GALC: variants seen among roughly 807,000 people sequenced by gnomAD.
The protein encoded by GALC is galactocerebrosidase.
GALC carries 77 observed loss-of-function variants against 91.8 expected under a neutral mutation model. The ratio of observed to expected loss-of-function variants is 0.84; its 90% CI spans 0.70 to 1.01. The LOEUF (loss-of-function observed/expected upper bound fraction) is 1.01, where lower values mean the gene tolerates loss of function less well. Among genes scored for constraint, GALC ranks in the 50% least tolerant of loss-of-function variants. The pLI, the probability that GALC is intolerant of heterozygous loss-of-function variation, is 0.00. For synonymous variants in GALC, 357 were observed against 306.7 expected, an observed-to-expected ratio of 1.16 and a Z score of -1.71; for missense variants, 882 against 855.9, an observed-to-expected ratio of 1.03 and a Z score of -0.38.
chr14:87,938,495 G>A (rs1032734826), intron 16 of GALC, among the ~76,000 whole-genome samples: 11 of 152,012 alleles, frequency 7.2e-5, no homozygotes, highest in African/African-American at 2.7e-4. Flanking sequence ...ACAGAAAAAA[G>A]TTCAGAAACA....
At chr14:87,955,043 A>G in intron 10 of GALC, 4 of 1,350,430 alleles carry the variant, frequency 3.0e-6, no homozygotes, top group Non-Finnish European at 2.1e-6. Flanking sequence ...GTCATGGCAG[A>G]CCTGTTACAC....
At chr14:87,967,596 G>A (rs945747623) in intron 8 of GALC, among the ~76,000 whole-genome samples, 3 of 152,098 alleles carry the variant, frequency 2.0e-5, no homozygotes, top group Admixed American at 2.0e-4. Flanking sequence ...AAGCATTTAA[G>A]AAATGCTTCC....
chr14:87,963,003 G>A (rs1885873762), intron 10 of GALC, among the ~76,000 whole-genome samples: 1 of 152,004 alleles, frequency 6.6e-6, no homozygotes, highest in Non-Finnish European at 1.5e-5. Flanking sequence ...TAAGCTCGTT[G>A]CTCTCAACAG....
intron 16 of GALC, among the ~76,000 whole-genome samples, chr14:87,936,896 C>CCATATATATATATA (rs1555378200): frequency 0.012 from 43 of 3,548 alleles, no homozygotes; most frequent in African/African-American, 0.015. Flanking sequence ...ATATCAGGTA[C>CCATATATATATATA]TATATATATA....
rs186879724 is a variant in GALC at position 87,970,047 on chromosome 14, G to A, written c.753-1557C>T. On this transcript the variant is annotated intron_variant, in intron 7 of 16. Transcript: ENST00000261304. ...GCAATCATTGTTCTGGAACTATAAC[G>A]CCCAACCTGAAAAATCTGGCTACTA... Among the ~76,000 whole-genome samples the A allele has an allele frequency of 2.3e-3, 346 of 152,116 alleles. 5 individuals are homozygous for A. The highest frequency in any genetic ancestry group is 1.5e-3 in the Non-Finnish European group (104 of 67,978).
Position 87,933,954 on chromosome 14 carries a change from T to G in GALC, c.*778A>C, listed in dbSNP as rs149009218. 2.0e-6 allele frequency: 3 copies of G among 1,528,486 alleles called. No homozygotes were observed. The African/African-American group carries it at 4.1e-5, about 21-fold the overall frequency. 94.7% of individuals were successfully genotyped at this position (1,528,486 alleles called of 1,614,324 possible). On this transcript the variant is annotated 3_prime_UTR_variant, in exon 17 of 17. Coordinates refer to ENST00000261304, the MANE Select transcript of GALC (RefSeq NM_000153.4). ...AGTGAGATGAGGCTGAGGAAACGACTACAACAGCATTGGCTATATCAGGTT... is the reference window on the plus strand; with the variant it reads ...AGTGAGATGAGGCTGAGGAAACGACGACAACAGCATTGGCTATATCAGGTT...
intron 6 of GALC, chr14:87,976,800 G>A (rs906163893): frequency 1.7e-5 from 6 of 347,674 alleles, no homozygotes; most frequent in Non-Finnish European, 3.4e-5. Flanking sequence ...TTTTTTAGCA[G>A]AGACAGGGTT....
intron 13 of GALC, 149 bp from the exon 14 acceptor site, chr14:87,945,882 A>C (rs1427949481): frequency 1.3e-5 from 8 of 632,624 alleles, no homozygotes; most frequent in Non-Finnish European, 2.2e-5. Flanking sequence ...AGGTCTAATA[A>C]AGATACATTA....
rs562437909 is a variant in GALC, at chr14:87,981,784, A to G, written c.621+421T>C. 3.9e-5 allele frequency among the ~76,000 whole-genome samples: 6 copies of G among 152,262 alleles called. No homozygotes were observed. The East Asian group carries it at 1.2e-3, about 29-fold the overall frequency. On this transcript the variant is annotated intron_variant, in intron 6 of 16. Transcript: ENST00000261304. ...ACCTCTTTGCTAATCACAAAGAGAA[A>G]CATGTACTATAACACACTCCAATAG...
chr14:87,976,454 T>C lies in GALC; in HGVS notation c.656A>G (p.Gln219Arg). The C allele has an allele frequency of 6.2e-7, 1 of 1,613,374 alleles. No individual in the cohort carries two copies. The highest frequency in any genetic ancestry group is 8.5e-7 in the Non-Finnish European group (1 of 1,179,294). Residue 219 changes from glutamine (Q) to arginine (R), a missense_variant, in exon 7 of 17, where the codon CAG (glutamine) becomes CGG (arginine). Transcript: ENST00000261304. Reference protein sequence around the residue: ...LRKMLNYQGLQRVKIIASDNL... With the variant: ...LRKMLNYQGLRRVKIIASDNL... The stretch of plus-strand genomic sequence containing the variant: ...ATCACTTGCTATGATTTTCACTCGC[T>C]GGAGACCTTGATAATTCAGCATTTT...
At chr14:87,992,914 G>C (rs1418706192) in intron 1 of GALC, 56 bp downstream of exon 1, 1 of 1,472,130 alleles carries the variant, frequency 6.8e-7, no homozygotes, top group Non-Finnish European at 8.9e-7. Context: ...TGTGGGGCTG[G>C]CCCCACGGGG....
rs185306619 is a variant in GALC at position 87,953,437 on chromosome 14, G to C, written c.1162-2689C>G. ...ATATTCTCTTGAACATTTTAGTCCT[G>C]TTTTTCCTAAAACAGAAAATAGCCA... is the stretch of plus-strand genomic sequence containing the variant. On this transcript the variant is annotated intron_variant, in intron 10 of 16. Transcript: ENST00000261304. The C allele has an allele frequency of 1.2e-3, 1,877 of 1,523,234 alleles. 7 individuals are homozygous for C. The highest frequency in any genetic ancestry group is 1.6e-3 in the Non-Finnish European group (1,747 of 1,102,326). 94.4% of individuals were successfully genotyped at this position (1,523,234 alleles called of 1,614,324 possible).
chr14:87,954,657 G>A, intron 10 of GALC: 1 of 1,575,162 alleles, frequency 6.3e-7, no homozygotes, highest in Non-Finnish European at 8.7e-7. Context: ...AAATGTTCAG[G>A]AGTGGTTCTA....
chr14:87,979,193 T>G (rs1886639324), intron 6 of GALC, among the ~76,000 whole-genome samples: 1 of 151,882 alleles, frequency 6.6e-6, no homozygotes, highest in African/African-American at 2.4e-5. Context: ...CCCGGCTAAT[T>G]TTTTTGTATT....
At chr14:87,941,627 T>C in intron 14 of GALC, 69 bp from the exon 15 acceptor site, 3 of 1,071,244 alleles carry the variant, frequency 2.8e-6, no homozygotes, top group Admixed American at 1.7e-5. Flanking sequence ...AGATATGTCA[T>C]TTCACAGCAC....
chr14:87,968,294 T>C, intron 8 of GALC, 41 bp downstream of exon 8: 3 of 1,492,494 alleles, frequency 2.0e-6, no homozygotes, highest in Non-Finnish European at 2.8e-6. Flanking sequence ...TGTTTTTAAA[T>C]TTTTTTTGAT....
intron 3 of GALC, chr14:87,987,933 T>C (rs1007699907): frequency 6.8e-5 from 38 of 557,350 alleles, no homozygotes; most frequent in East Asian, 5.4e-4. Flanking sequence ...AATAAGCAAT[T>C]TGAAGTTTGA....
intron 7 of GALC, 102 bp from the exon 8 acceptor site, chr14:87,968,592 G>A (rs970055843): frequency 2.6e-6 from 3 of 1,159,052 alleles, no homozygotes; most frequent in East Asian, 2.5e-5. Context: ...CTTCTCCAAG[G>A]TTTTCTATTT....
At chr14:87,949,774 T>G in intron 12 of GALC, 71 bp downstream of exon 12, 2 of 779,312 alleles carry the variant, frequency 2.6e-6, no homozygotes, top group Non-Finnish European at 4.6e-6. Flanking sequence ...TCTTAATTAA[T>G]GACATTTCTG....
Sources: gnomAD v4.1 joint callset for allele counts (sites outside exome capture counted in the v4.1 genomes callset) on GRCh38, gnomAD v4.1.1 for gene constraint, MANE v1.5 for transcripts, NCBI Gene and HGNC (gene_info 2026-07-23, HGNC 2026-07-21) for gene names.